AKR1C4: variants seen among roughly 807,000 people sequenced by gnomAD.
AKR1C4 encodes aldo-keto reductase family 1 member C4.
In AKR1C4, 44 loss-of-function variants were observed where a neutral mutation model predicts 41.0. The observed-to-expected ratio is 1.07, with a 90% CI of 0.84 to 1.38. The LOEUF is 1.38. Ranked by LOEUF, AKR1C4 falls within the 40% of genes most tolerant of loss-of-function variation. AKR1C4 has a pLI of 0.00. For missense variants in AKR1C4, 438 were observed against 387.9 expected, an observed-to-expected ratio of 1.13 and a Z score of -1.09; for synonymous variants, 165 against 137.7, an observed-to-expected ratio of 1.20 and a Z score of -1.39.
chr10:5,209,466 G>A (rs533187268), intron 5 of AKR1C4, among the ~76,000 whole-genome samples: 1 of 151,862 alleles, frequency 6.6e-6, no homozygotes, highest in Non-Finnish European at 1.5e-5. Context: ...TATGCCAAAA[G>A]CTTAACTCCT....
rs781906133 is a variant in AKR1C4, at chr10:5,206,316, C to T, written c.489C>T (p.Ile163=). Reference sequence around the variant, plus strand: ...AGGATGCAGGATTGGCCAAGTCCATCGGGGTGTCAAACTTCAACTGCAGGC... The same window carrying T: ...AGGATGCAGGATTGGCCAAGTCCATTGGGGTGTCAAACTTCAACTGCAGGC... ...KCKDAGLAKS[I]GVSNFNCRQL... is the part of the protein sequence containing the mutation. The change falls in exon 5 of 9, where the codon ATC becomes ATT. Residue 163 remains isoleucine, a synonymous_variant. Transcript: ENST00000263126. The T allele has an allele frequency of 5.6e-6, 9 of 1,613,958 alleles. No individual in the cohort carries two copies. The highest frequency in any genetic ancestry group is 2.7e-5 in the African/African-American group (2 of 74,904).
Position 5,204,426 on chromosome 10 carries a change from G to A in AKR1C4, c.302G>A (p.Ser101Asn). Residue 101 changes from serine to asparagine, a missense_variant, in exon 3 of 9, where the codon AGC (serine) becomes AAC (asparagine). Physicochemically the swap from Ser to Asn is conservative, Grantham distance 46. Coordinates refer to ENST00000263126, the MANE Select transcript of AKR1C4 (RefSeq NM_001818.5). ...CAGATGGTCCAACCAGCCTTGGAAAGCTCACTGAAAAAACTTCAACTGGAC... is the reference window on the plus strand; with the variant it reads ...CAGATGGTCCAACCAGCCTTGGAAAACTCACTGAAAAAACTTCAACTGGAC... ...QPQMVQPALE[S>N]SLKKLQLDYV... 6.2e-7 allele frequency: 1 copy of A among 1,613,998 alleles called. No individual in the cohort carries two copies. Among genetic ancestry groups the A allele is most frequent in the Non-Finnish European group, 8.5e-7 (1 of 1,179,928 alleles).
Position 5,218,880 on chromosome 10 carries a change from G to C in AKR1C4, c.*120G>C. On this transcript the variant is annotated 3_prime_UTR_variant, in exon 9 of 9. Transcript: ENST00000263126. ...TGGTTAAATCCCTCCCCTCCTGCTTGGCAACTTCAGCTAGCTAGATATATC... is the reference window on the plus strand; with the variant it reads ...TGGTTAAATCCCTCCCCTCCTGCTTCGCAACTTCAGCTAGCTAGATATATC... 1.2e-6 allele frequency: 1 copy of C among 831,674 alleles called. No individual in the cohort carries two copies. Among genetic ancestry groups the C allele is most frequent in the East Asian group, 2.7e-5 (1 of 37,122 alleles). 51.5% of individuals were successfully genotyped at this position (831,674 alleles called of 1,614,324 possible). A position where few individuals can be genotyped will look rare whatever the true frequency, so the allele number is the denominator to read the frequency against.
chr10:5,203,432 C>G (rs1293513252), intron 2 of AKR1C4, among the ~76,000 whole-genome samples: 1 of 152,164 alleles, frequency 6.6e-6, no homozygotes, highest in Non-Finnish European at 1.5e-5. Flanking sequence ...GTCACTGCCG[C>G]TTCTACTTTA....
At position 5,204,488 on chromosome 10, in the gene AKR1C4, C is replaced by T. The variant is rs1554797252; in HGVS notation, c.364C>T (p.Leu122Phe). 1.2e-6 allele frequency: 2 copies of T among 1,606,902 alleles called. No individual in the cohort carries two copies. The highest frequency in any genetic ancestry group is 1.7e-4 in the Middle Eastern group (1 of 6,050). Residue 122 changes from leucine to phenylalanine, a missense_variant, in exon 3 of 9, where the codon CTC (leucine) becomes TTC (phenylalanine). Transcript: ENST00000263126. The part of the protein sequence containing the change: ...DLYLLHFPMA[L>F]KPGETPLPKD... The stretch of plus-strand genomic sequence containing the variant: ...CTATCTTCTTCATTTCCCAATGGCT[C>T]TCAAGGTAGGGAATTTGTGAGATCA...
intron 2 of AKR1C4, among the ~76,000 whole-genome samples, chr10:5,203,174 G>A (rs1398853090): frequency 2.0e-5 from 3 of 152,082 alleles, no homozygotes; most frequent in African/African-American, 2.4e-5. Flanking sequence ...AAGGCCAGGT[G>A]CCAGCCTTCT....
intron 1 of AKR1C4, among the ~76,000 whole-genome samples, chr10:5,198,134 A>C (rs2132121665): frequency 6.6e-6 from 1 of 152,268 alleles, no homozygotes; most frequent in African/African-American, 2.4e-5. Flanking sequence ...TTTCTAAAAG[A>C]GTTGGTCTTA....
chr10:5,215,402 G>A (rs1317316828), intron 7 of AKR1C4, among the ~76,000 whole-genome samples: 1 of 152,032 alleles, frequency 6.6e-6, no homozygotes. Context: ...ACTTGATGCT[G>A]GGCAATTTAT....
At chr10:5,199,531 T>A (rs777271363) in intron 1 of AKR1C4, among the ~76,000 whole-genome samples, 2 of 151,882 alleles carry the variant, frequency 1.3e-5, no homozygotes, top group Non-Finnish European at 2.9e-5. Flanking sequence ...CAGAACCGGG[T>A]GGACTTTGAG....
chr10:5,212,544 G>C, intron 5 of AKR1C4, 72 bp from the exon 6 acceptor site: 1 of 1,316,524 alleles, frequency 7.6e-7, no homozygotes, highest in Non-Finnish European at 1.0e-6. Flanking sequence ...ACTTTATTCA[G>C]CTTATTTTAA....
At position 5,206,300 on chromosome 10, in the gene AKR1C4, G is replaced by C. The variant is rs781957701; in HGVS notation, c.473G>C (p.Gly158Ala). 1 of 1,614,076 alleles carries C rather than the reference G, an allele frequency of 6.2e-7. No individual in the cohort carries two copies. The highest frequency in any genetic ancestry group is 8.5e-7 in the Non-Finnish European group (1 of 1,179,990). Reference sequence around the variant, plus strand: ...GTCATGGAGAAGTGTAAGGATGCAGGATTGGCCAAGTCCATCGGGGTGTCA... The same window carrying C: ...GTCATGGAGAAGTGTAAGGATGCAGCATTGGCCAAGTCCATCGGGGTGTCA... The part of the protein sequence containing the change: ...WEVMEKCKDA[G>A]LAKSIGVSNF... Residue 158 changes from glycine (G) to alanine (A), a missense_variant, in exon 5 of 9, where the codon GGA becomes GCA. Transcript: ENST00000263126.
chr10:5,218,639 T>A, intron 8 of AKR1C4, 79 bp from the exon 9 acceptor site: 1 of 1,117,582 alleles, frequency 8.9e-7, no homozygotes, highest in Non-Finnish European at 1.3e-6. Flanking sequence ...AATGGCAGCT[T>A]CATATAAATT....
chr10:5,216,155 G>A (rs1187896525), intron 7 of AKR1C4, among the ~76,000 whole-genome samples: 1 of 152,060 alleles, frequency 6.6e-6, no homozygotes, highest in South Asian at 2.1e-4. Flanking sequence ...AAGAGATGAA[G>A]AGGGAAAAAA....
At chr10:5,215,095 G>A (rs1554798360) in intron 7 of AKR1C4, among the ~76,000 whole-genome samples, 7 of 152,154 alleles carry the variant, frequency 4.6e-5, no homozygotes, top group Non-Finnish European at 8.8e-5. Context: ...CAGACAAAGA[G>A]GATCTCAACA....
At chr10:5,209,103 G>A (rs891419896) in intron 5 of AKR1C4, among the ~76,000 whole-genome samples, 11 of 152,194 alleles carry the variant, frequency 7.2e-5, no homozygotes, top group African/African-American at 2.7e-4. Flanking sequence ...ACAGTAGGCA[G>A]CATGAAATGA....
chr10:5,209,445 C>G (rs1444610532), intron 5 of AKR1C4, among the ~76,000 whole-genome samples: 1 of 151,878 alleles, frequency 6.6e-6, no homozygotes, highest in Non-Finnish European at 1.5e-5. Context: ...GAAACAATTA[C>G]TGCTCTCAGA....
intron 8 of AKR1C4, 126 bp downstream of exon 8, chr10:5,216,919 C>A: frequency 1.6e-6 from 1 of 625,822 alleles, no homozygotes. Flanking sequence ...GACAGGAACT[C>A]TCTGGAACTC....
At chr10:5,201,648 G>A (rs1308544823) in intron 2 of AKR1C4, among the ~76,000 whole-genome samples, 5 of 152,070 alleles carry the variant, frequency 3.3e-5, no homozygotes, top group African/African-American at 1.2e-4. Flanking sequence ...TTTGCATTTT[G>A]GGGTCTTAGA....
intron 1 of AKR1C4, among the ~76,000 whole-genome samples, chr10:5,197,587 G>T (rs544015178): frequency 6.6e-6 from 1 of 152,304 alleles, no homozygotes; most frequent in East Asian, 1.9e-4. Context: ...GTGTTAATAT[G>T]CATCAGATTT....
Sources: gnomAD v4.1 joint callset for allele counts (sites outside exome capture counted in the v4.1 genomes callset) on GRCh38, gnomAD v4.1.1 for gene constraint, MANE v1.5 for transcripts, NCBI Gene and HGNC (gene_info 2026-07-23, HGNC 2026-07-21) for gene names.